The following GSG1L variants were observed in gnomAD, a reference collection of about 807,000 sequenced individuals.
The protein encoded by GSG1L is GSG1 like, also known as germ cell-specific gene 1-like protein.
Under a neutral mutation model 42.1 loss-of-function variants are expected in GSG1L, and 24 were observed. That is an observed-to-expected ratio of 0.57 (90% CI 0.41 to 0.80). GSG1L has a LOEUF of 0.80. Ranked by LOEUF, GSG1L falls within the 30% of genes least tolerant of loss-of-function variation. The pLI, the probability that GSG1L is intolerant of heterozygous loss-of-function variation, is 0.00. For missense variants in GSG1L, 445 were observed against 472.2 expected (o/e 0.94, Z 0.53); for synonymous variants, 215 against 203.5 (o/e 1.06, Z -0.48).
At chr16:27,995,448 C>T (rs1305271312) in intron 1 of GSG1L, among the ~76,000 whole-genome samples, 1 of 152,102 alleles carries the variant, frequency 6.6e-6, no homozygotes. Flanking sequence ...TGGAACACCT[C>T]GATGCTGTAA....
At chr16:27,846,952 G>A (rs141622091) in intron 3 of GSG1L, among the ~76,000 whole-genome samples, 1,971 of 90,386 alleles carry the variant, frequency 0.022, 41 homozygotes, top group African/African-American at 0.087. Flanking sequence ...GGGAGACTCC[G>A]TCTCAAAAAA....
chr16:27,992,662 G>A lies in GSG1L; in HGVS notation c.350-29459C>T, dbSNP rs140804974. On this transcript the variant is annotated intron_variant, in intron 1 of 6. Transcript: ENST00000447459. ...CCTCTCGGCTCCCTCAGCCTTTGGG[G>A]ATAGGTTTGCATAGATCTGCTCATT... 2.0e-4 allele frequency among the ~76,000 whole-genome samples: 31 copies of A among 152,294 alleles called. No homozygotes were observed. In the East Asian group the frequency reaches 6.0e-3, roughly 29 times the overall value.
At chr16:27,982,329 G>A (rs934284022) in intron 1 of GSG1L, among the ~76,000 whole-genome samples, 2 of 152,210 alleles carry the variant, frequency 1.3e-5, no homozygotes, top group African/African-American at 4.8e-5. Flanking sequence ...TTGTGCCATT[G>A]CACTCAGCCC....
intron 2 of GSG1L, among the ~76,000 whole-genome samples, chr16:27,901,502 C>T (rs1324668724): frequency 6.6e-6 from 1 of 152,178 alleles, no homozygotes; most frequent in African/African-American, 2.4e-5. Flanking sequence ...GCTATTGTTT[C>T]TTGGCTAAGG....
chr16:27,923,106 T>C (rs2084545684), intron 2 of GSG1L, among the ~76,000 whole-genome samples: 1 of 152,162 alleles, frequency 6.6e-6, no homozygotes. Flanking sequence ...AAACATACTA[T>C]TTGCATGAAC....
At chr16:27,994,480 C>T (rs1201478010) in intron 1 of GSG1L, among the ~76,000 whole-genome samples, 1 of 152,164 alleles carries the variant, frequency 6.6e-6, no homozygotes, top group Non-Finnish European at 1.5e-5. Flanking sequence ...CTAATACTTC[C>T]TGTTTCAAAA....
At chr16:27,881,063 C>T (rs1470093734) in intron 3 of GSG1L, among the ~76,000 whole-genome samples, 1 of 152,034 alleles carries the variant, frequency 6.6e-6, no homozygotes, top group Non-Finnish European at 1.5e-5. Flanking sequence ...GACCATCTGA[C>T]CCCTTCTCAG....
chr16:27,809,150 T>C (rs1012615571), intron 5 of GSG1L, among the ~76,000 whole-genome samples: 2 of 152,144 alleles, frequency 1.3e-5, no homozygotes, highest in Non-Finnish European at 2.9e-5. Flanking sequence ...CCTAGCATTT[T>C]GGGAGGCCGA....
In GSG1L at chr16:27,807,528, T is replaced by A. The variant is rs1183149650; in HGVS notation, c.857A>T (p.Glu286Val). The change falls in exon 6 of 7, where the codon GAG becomes GTG. Residue 286 changes from glutamate (E) to valine (V), a missense_variant. Around this residue, in one of 3 missense-constraint regions of GSG1L, gnomAD observed 140 missense variants for 120.6 expected, o/e 1.16. Transcript: ENST00000447459. Reference protein sequence around the residue: ...ERMEKRDGSEEDFHLDCRHER... With the variant: ...ERMEKRDGSEVDFHLDCRHER... Reference sequence around the variant, plus strand: ...GTGGCGGCAGTCTAAGTGAAAGTCCTCCTCGCTCCCGTCCCTCTTCTCCAT... The same window carrying A: ...GTGGCGGCAGTCTAAGTGAAAGTCCACCTCGCTCCCGTCCCTCTTCTCCAT... The A allele has an allele frequency of 1.2e-6, 2 of 1,612,564 alleles. No homozygotes were observed. The highest frequency in any genetic ancestry group is 2.2e-5 in the South Asian group (2 of 90,990).
chr16:27,976,290 T>C (rs1435003653), intron 1 of GSG1L, among the ~76,000 whole-genome samples: 1 of 151,996 alleles, frequency 6.6e-6, no homozygotes, highest in East Asian at 1.9e-4. Flanking sequence ...ATAATAATAA[T>C]AATGCCCAGA....
chr16:27,992,038 T>C (rs759586547), intron 1 of GSG1L, among the ~76,000 whole-genome samples: 1 of 152,168 alleles, frequency 6.6e-6, no homozygotes, highest in South Asian at 2.1e-4. Flanking sequence ...GAAACCTCCA[T>C]GATAACTGAT....
At chr16:27,803,783 A>ATATATC in intron 6 of GSG1L, among the ~76,000 whole-genome samples, 1 of 83,992 alleles carries the variant, frequency 1.2e-5, no homozygotes, top group Admixed American at 1.4e-4. Flanking sequence ...ATATATATAT[A>ATATATC]TATATATATA....
chr16:27,853,726 A>G (rs1262076911), intron 3 of GSG1L, among the ~76,000 whole-genome samples: 2 of 152,122 alleles, frequency 1.3e-5, no homozygotes, highest in African/African-American at 4.8e-5. Flanking sequence ...ATTTCAAGTA[A>G]TGGGTTTACT....
rs1491455891 is a variant in GSG1L, at chr16:27,888,445, T to TTTC, written c.398-3810_398-3808dup. On this transcript the variant is annotated intron_variant, in intron 2 of 6. Coordinates refer to ENST00000447459, the MANE Select transcript of GSG1L (RefSeq NM_001109763.2). Reference sequence around the variant, plus strand: ...CTTTCTTTCTTTCTTTCTTTCTTTCTTTCTTTCTTTCTTTCTTTCTCTCTC... The same window carrying TTTC: ...CTTTCTTTCTTTCTTTCTTTCTTTCTTTCTTCTTTCTTTCTTTCTTTCTCTCTC... Among the ~76,000 whole-genome samples the TTTC allele has an allele frequency of 6.2e-4, 14 of 22,500 alleles. 2 individuals carry two copies. Among genetic ancestry groups the TTTC allele is most frequent in the African/African-American group, 1.3e-3 (14 of 11,154 alleles). The allele number at this position is 22,500 out of a possible 152,430, so 14.8% of individuals were successfully genotyped here.
intron 5 of GSG1L, among the ~76,000 whole-genome samples, chr16:27,817,689 A>T (rs1453521718): frequency 6.6e-6 from 1 of 152,068 alleles, no homozygotes; most frequent in African/African-American, 2.4e-5. Flanking sequence ...TCTTGAACCA[A>T]TTTTTTCATA....
chr16:27,902,876 C>T (rs905800724), intron 2 of GSG1L, among the ~76,000 whole-genome samples: 4 of 152,140 alleles, frequency 2.6e-5, no homozygotes, highest in African/African-American at 7.2e-5. Context: ...AAGTGCCCAG[C>T]GGGTACCATC....
chr16:27,957,150 A>G (rs2085015130), intron 2 of GSG1L, among the ~76,000 whole-genome samples: 1 of 152,302 alleles, frequency 6.6e-6, no homozygotes, highest in Admixed American at 6.5e-5. Context: ...GGAGGTCGAG[A>G]TCAGCCTGGC....
At chr16:28,038,253 T>C (rs205389) in intron 1 of GSG1L, among the ~76,000 whole-genome samples, 74,997 of 151,976 alleles carry the variant, frequency 0.49, 19,432 homozygotes, top group East Asian at 0.7. Flanking sequence ...TGGAACCACA[T>C]GCATACACTA....
At chr16:27,956,444 G>A (rs1189337742) in intron 2 of GSG1L, among the ~76,000 whole-genome samples, 1 of 152,098 alleles carries the variant, frequency 6.6e-6, no homozygotes, top group African/African-American at 2.4e-5. Context: ...GAGACCTATG[G>A]TCAGGTCCGG....
Sources: gnomAD v4.1 joint callset for allele counts (sites outside exome capture counted in the v4.1 genomes callset) on GRCh38, gnomAD v4.1.1 for gene constraint, gnomAD v4.1.1 regional missense constraint, MANE v1.5 for transcripts, NCBI Gene and HGNC (gene_info 2026-07-23, HGNC 2026-07-21) for gene names.